The following TNFSF4 variants were observed in gnomAD, a reference collection of about 807,000 sequenced individuals.
TNFSF4 encodes the protein tumor necrosis factor ligand superfamily member 4.
In TNFSF4, 4 loss-of-function variants were observed where a neutral mutation model predicts 7.3. The observed-to-expected ratio is 0.55, with a 90% confidence interval of 0.27 to 1.25. The LOEUF is 1.25. Ranked by LOEUF, TNFSF4 falls within the 50% of genes most tolerant of loss-of-function variation. The pLI, the probability that TNFSF4 is intolerant of heterozygous loss-of-function variation, is 0.12. For missense variants in TNFSF4, 181 were observed against 208.8 expected, an observed-to-expected ratio of 0.87 and a Z score of 0.82; for synonymous variants, 76 against 83.7, an observed-to-expected ratio of 0.91 and a Z score of 0.50.
intron 1 of TNFSF4, among the ~76,000 whole-genome samples, chr1:173,204,902 AACACAC>A (rs367741572): frequency 9.7e-5 from 14 of 144,802 alleles, no homozygotes; most frequent in East Asian, 2.0e-4. Flanking sequence ...AACACACAGA[AACACAC>A]ACACACACAC....
At chr1:173,389,082 G>A in the TNFSF4 span, among the ~76,000 whole-genome samples, 3 of 152,188 alleles carry the variant, frequency 2.0e-5, no homozygotes, top group African/African-American at 7.2e-5. Flanking sequence ...GAATGGTAGT[G>A]TATTAGGTAC....
At chr1:173,369,294 G>T in the TNFSF4 span, among the ~76,000 whole-genome samples, 1 of 152,178 alleles carries the variant, frequency 6.6e-6, no homozygotes, top group East Asian at 1.9e-4. Context: ...AAAAGGCTTA[G>T]GACTCTAACA....
At chr1:173,381,701 C>T in the TNFSF4 span, among the ~76,000 whole-genome samples, 2 of 152,192 alleles carry the variant, frequency 1.3e-5, no homozygotes, top group Non-Finnish European at 2.9e-5. Context: ...GTAGCTACAG[C>T]AGTCATTGCC....
chr1:173,245,340 AAT>A, the TNFSF4 span, among the ~76,000 whole-genome samples: 5 of 152,270 alleles, frequency 3.3e-5, no homozygotes, highest in East Asian at 9.6e-4. Context: ...TCATTGAGAC[AAT>A]ATTTGCTTTT....
At chr1:173,429,017 A>AG in the TNFSF4 span, among the ~76,000 whole-genome samples, 6 of 152,084 alleles carry the variant, frequency 3.9e-5, no homozygotes, top group African/African-American at 4.8e-5. Context: ...AGGAAAAAAA[A>AG]AAAGAAAGAA....
chr1:173,229,083 C>T, the TNFSF4 span, among the ~76,000 whole-genome samples: 10 of 152,102 alleles, frequency 6.6e-5, no homozygotes, highest in Admixed American at 1.3e-4. Context: ...CAGAGAACAC[C>T]GCAAAGATAC....
At chr1:173,225,256 C>T in the TNFSF4 span, among the ~76,000 whole-genome samples, 5 of 152,232 alleles carry the variant, frequency 3.3e-5, no homozygotes, top group Admixed American at 3.3e-4. Context: ...GGAAGTCACA[C>T]TTTCTCACTC....
At chr1:173,201,978 C>T (rs1293518432) in intron 1 of TNFSF4, among the ~76,000 whole-genome samples, 1 of 151,930 alleles carries the variant, frequency 6.6e-6, no homozygotes, top group East Asian at 1.9e-4. Context: ...AAAGGATTAA[C>T]TTTCATTTTC....
the TNFSF4 span, among the ~76,000 whole-genome samples, chr1:173,378,616 A>T: frequency 6.6e-6 from 1 of 152,164 alleles, no homozygotes; most frequent in South Asian, 2.1e-4. Context: ...AAATTACAAT[A>T]CTATCCTGCA....
At chr1:173,395,395 T>C in the TNFSF4 span, among the ~76,000 whole-genome samples, 1 of 99,460 alleles carries the variant, frequency 1.0e-5, no homozygotes, top group Non-Finnish European at 1.9e-5. Context: ...TATATATATA[T>C]ATATATATAT....
chr1:173,270,715 C>G, the TNFSF4 span, among the ~76,000 whole-genome samples: 1 of 151,842 alleles, frequency 6.6e-6, no homozygotes, highest in East Asian at 1.9e-4. Context: ...GGGAGCTAAG[C>G]CTAAAGAAAA....
At chr1:173,292,683 C>T in the TNFSF4 span, among the ~76,000 whole-genome samples, 1 of 151,570 alleles carries the variant, frequency 6.6e-6, no homozygotes, top group Non-Finnish European at 1.5e-5. Flanking sequence ...GGCATCCAAA[C>T]AGGAAGAGAA....
At chr1:173,449,041 C>T in the TNFSF4 span, among the ~76,000 whole-genome samples, 1 of 152,152 alleles carries the variant, frequency 6.6e-6, no homozygotes, top group African/African-American at 2.4e-5. Context: ...GTGATTGGCT[C>T]ATGGGGGTGG....
At chr1:173,336,778 AG>A in the TNFSF4 span, among the ~76,000 whole-genome samples, 1 of 152,160 alleles carries the variant, frequency 6.6e-6, no homozygotes, top group African/African-American at 2.4e-5. Flanking sequence ...GTAAAGATTC[AG>A]GGGCTTTTAC....
chr1:173,303,107 A>G, the TNFSF4 span, among the ~76,000 whole-genome samples: 3,398 of 152,010 alleles, frequency 0.022, 109 homozygotes, highest in African/African-American at 0.077. Flanking sequence ...AAGTTAGGTC[A>G]GAGCCACACT....
the TNFSF4 span, chr1:173,352,054 A>C: frequency 2.9e-6 from 1 of 348,674 alleles, no homozygotes; most frequent in South Asian, 4.7e-5. Context: ...GAAATGAAGA[A>C]AAAATATATA....
the TNFSF4 span, among the ~76,000 whole-genome samples, chr1:173,276,389 A>T: frequency 2.7e-4 from 41 of 152,218 alleles, no homozygotes; most frequent in Admixed American, 7.9e-4. Context: ...CAGAGTGTAC[A>T]CAGTTGTTCC....
chr1:173,420,414 G>A, the TNFSF4 span, among the ~76,000 whole-genome samples: 1 of 152,210 alleles, frequency 6.6e-6, no homozygotes. Flanking sequence ...CACAGTACTT[G>A]ACGGCTCTTA....
chr1:173,226,600 C>A, the TNFSF4 span, among the ~76,000 whole-genome samples: 1 of 152,140 alleles, frequency 6.6e-6, no homozygotes, highest in African/African-American at 2.4e-5. Context: ...TAGCTTTTCC[C>A]ATAATTAATA....
Sources: allele counts gnomAD v4.1 joint callset (sites outside exome capture counted in the v4.1 genomes callset), GRCh38; gene constraint gnomAD v4.1.1; transcripts MANE v1.5; gene names NCBI Gene and HGNC (gene_info 2026-07-23, HGNC 2026-07-21).